ZDHHC14: variants seen among roughly 807,000 people sequenced by gnomAD.
The protein encoded by ZDHHC14 is palmitoyltransferase ZDHHC14.
In ZDHHC14, 16 loss-of-function variants were observed where a neutral mutation model predicts 47.7. The ratio of observed to expected loss-of-function variants is 0.34; its 90% confidence interval spans 0.23 to 0.51. The LOEUF (loss-of-function observed/expected upper bound fraction) is 0.51. Among genes scored for constraint, ZDHHC14 ranks in the 20% least tolerant of loss-of-function variants. The pLI is 0.97. For synonymous variants in ZDHHC14, 293 were observed against 278.9 expected, an observed-to-expected ratio of 1.05 and a Z score of -0.50; for missense variants, 515 against 662.5, an observed-to-expected ratio of 0.78 and a Z score of 2.44.
intron 3 of ZDHHC14, among the ~76,000 whole-genome samples, chr6:157,610,325 G>A (rs375662754): frequency 6.6e-6 from 1 of 152,250 alleles, no homozygotes; most frequent in East Asian, 1.9e-4. Context: ...CCAGCTACTC[G>A]GGAGGCTGAG....
intron 1 of ZDHHC14, among the ~76,000 whole-genome samples, chr6:157,518,340 C>T (rs1430103535): frequency 7.5e-6 from 1 of 133,908 alleles, no homozygotes; most frequent in Non-Finnish European, 1.5e-5. Context: ...GGACTGAGGT[C>T]TCAGAAGGAC....
intron 1 of ZDHHC14, among the ~76,000 whole-genome samples, chr6:157,458,972 A>G (rs1029022285): frequency 6.7e-6 from 1 of 149,092 alleles, no homozygotes; most frequent in African/African-American, 2.5e-5. Flanking sequence ...CTCCTGCCTC[A>G]GCCTCCCAAG....
chr6:157,566,143 C>T (rs1782891859), intron 2 of ZDHHC14, among the ~76,000 whole-genome samples: 3 of 152,172 alleles, frequency 2.0e-5, no homozygotes, highest in Admixed American at 2.0e-4. Flanking sequence ...GCCTGATGCA[C>T]ATAGAGGCCA....
chr6:157,468,506 C>G (rs1282246568), intron 1 of ZDHHC14, among the ~76,000 whole-genome samples: 1 of 152,210 alleles, frequency 6.6e-6, no homozygotes, highest in Non-Finnish European at 1.5e-5. Context: ...GGATTGCAAA[C>G]ATGTGGCATT....
In ZDHHC14 at chr6:157,664,737, T is replaced by C. The variant is rs911101547; in HGVS notation, c.1069-7987T>C. On this transcript the variant is annotated intron_variant, in intron 8 of 8. Transcript: ENST00000359775. ...GTGTTCATGACCTCAGTGTCCCTAATGCACTACTTTTCTCAACCTCGAGTA... is the reference window on the plus strand; with the variant it reads ...GTGTTCATGACCTCAGTGTCCCTAACGCACTACTTTTCTCAACCTCGAGTA... Among the ~76,000 whole-genome samples the C allele has an allele frequency of 2.6e-5, 4 of 152,344 alleles. No homozygotes were observed. In the South Asian group the frequency reaches 8.3e-4, roughly 32 times the overall value.
chr6:157,639,993 G>A (rs183283369), intron 5 of ZDHHC14, among the ~76,000 whole-genome samples: 10 of 152,156 alleles, frequency 6.6e-5, no homozygotes, highest in East Asian at 1.9e-4. Flanking sequence ...TGAGAATGTC[G>A]CAGCCTCATA....
At chr6:157,608,721 T>C (rs1784642200) in intron 3 of ZDHHC14, among the ~76,000 whole-genome samples, 6 of 152,148 alleles carry the variant, frequency 3.9e-5, no homozygotes, top group Admixed American at 3.9e-4. Context: ...TTTGATCTTA[T>C]CTGAGGACAA....
chr6:157,584,243 C>T (rs1327492247), intron 2 of ZDHHC14, among the ~76,000 whole-genome samples: 1 of 152,114 alleles, frequency 6.6e-6, no homozygotes, highest in African/African-American at 2.4e-5. Context: ...AGGGACTCTA[C>T]TTGTTGAAGA....
chr6:157,527,838 C>T (rs991550901), intron 1 of ZDHHC14, among the ~76,000 whole-genome samples: 7 of 152,196 alleles, frequency 4.6e-5, no homozygotes, highest in Non-Finnish European at 1.0e-4. Context: ...TTGAAGCCAA[C>T]TGGACAATGT....
At chr6:157,426,551 C>G (rs367802563) in intron 1 of ZDHHC14, among the ~76,000 whole-genome samples, 2 of 152,038 alleles carry the variant, frequency 1.3e-5, no homozygotes, top group East Asian at 3.9e-4. Flanking sequence ...CGCACCAGCT[C>G]GCAGGATGTG....
chr6:157,579,489 G>A (rs1331375451), intron 2 of ZDHHC14, among the ~76,000 whole-genome samples: 1 of 152,036 alleles, frequency 6.6e-6, no homozygotes, highest in Non-Finnish European at 1.5e-5. Flanking sequence ...GAGCCACCAT[G>A]CCCAGCCAAT....
At chr6:157,587,120 C>A (rs1263996030) in intron 2 of ZDHHC14, among the ~76,000 whole-genome samples, 1 of 152,208 alleles carries the variant, frequency 6.6e-6, no homozygotes, top group Non-Finnish European at 1.5e-5. Context: ...CTGAAATTAA[C>A]ACAAATGTTT....
intron 1 of ZDHHC14, among the ~76,000 whole-genome samples, chr6:157,453,788 T>TTTTTTTTTTTTTGTGTGTGTGTGTGTG (rs3220439): frequency 6.8e-6 from 1 of 148,096 alleles, no homozygotes; most frequent in Admixed American, 6.7e-5. Flanking sequence ...TTTTTGTGTT[T>TTTTTTTTTTTTTGTGTGTGTGTGTGTG]TGTGTGTGTG....
rs1226044988 is a variant in ZDHHC14 at position 157,677,253 on chromosome 6, A to C, written c.*4131A>C. 3 of 151,724 alleles carry C rather than the reference A, an allele frequency of 2.0e-5. No homozygotes were observed. Among genetic ancestry groups the C allele is most frequent in the Non-Finnish European group, 2.9e-5 (2 of 67,948 alleles). 9.4% of individuals were successfully genotyped at this position (151,724 alleles called of 1,614,324 possible). ...AGGTACCTCATTTAAAAAAAAAAAA[A>C]AAAAAAAACTGCCTCTCATTTGTTC... On this transcript the variant is annotated 3_prime_UTR_variant, in exon 9 of 9. Coordinates refer to ENST00000359775, the MANE Select transcript of ZDHHC14 (RefSeq NM_024630.3).
chr6:157,628,848 A>G (rs573305373), intron 4 of ZDHHC14, among the ~76,000 whole-genome samples: 53 of 152,194 alleles, frequency 3.5e-4, no homozygotes, highest in African/African-American at 1.3e-3. Flanking sequence ...TCATCCCCAC[A>G]TTTTGCACAA....
At chr6:157,610,831 G>A (rs1784724256) in intron 3 of ZDHHC14, among the ~76,000 whole-genome samples, 1 of 152,222 alleles carries the variant, frequency 6.6e-6, no homozygotes, top group African/African-American at 2.4e-5. Context: ...TCTCTGCCTG[G>A]TATCAAGCTG....
rs1247758346 is a variant in ZDHHC14 at position 157,455,674 on chromosome 6, G to T, written c.245+73408G>T. Among the ~76,000 whole-genome samples the T allele has an allele frequency of 3.3e-5, 5 of 152,322 alleles. No individual in the cohort carries two copies. The East Asian group carries it at 7.7e-4, about 24-fold the overall frequency. On this transcript the variant is annotated intron_variant, in intron 1 of 8. Transcript: ENST00000359775. ...ACCTGGCACACCCCTCGCTCCTCCG[G>T]CAGGAACCGGGCCATTTCGGGGACA...
chr6:157,420,812 T>A (rs1778085410), intron 1 of ZDHHC14, among the ~76,000 whole-genome samples: 1 of 152,166 alleles, frequency 6.6e-6, no homozygotes, highest in South Asian at 2.1e-4. Context: ...GATGTGCTGT[T>A]AGGTGTCTGC....
rs376404349 is a variant in ZDHHC14 at position 157,672,927 on chromosome 6, G to A, written c.1272G>A (p.Ala424=). The change falls in exon 9 of 9, where the codon GCG becomes GCA. Residue 424 remains alanine, a synonymous_variant. Transcript: ENST00000359775. ...SMPNLAEATL[A]DVMPRKDEHM... is the part of the protein sequence containing the mutation. ...CCAACCTCGCCGAGGCCACGCTCGC[G>A]GACGTGATGCCCCGGAAAGATGAGC... 138 of 1,602,404 alleles carry A rather than the reference G, an allele frequency of 8.6e-5. No homozygotes were observed. Among genetic ancestry groups the A allele is most frequent in the Non-Finnish European group, 7.7e-5 (91 of 1,176,496 alleles).
Sources: allele counts gnomAD v4.1 joint callset (sites outside exome capture counted in the v4.1 genomes callset), GRCh38; gene constraint gnomAD v4.1.1; transcripts MANE v1.5; gene names NCBI Gene and HGNC (gene_info 2026-07-23, HGNC 2026-07-21).